DMD: variants seen among roughly 807,000 people sequenced by gnomAD.
DMD encodes the protein dystrophin.
Under a neutral mutation model 330.1 loss-of-function variants are expected in DMD, and 63 were observed. The observed-to-expected ratio is 0.19, with a 90% CI of 0.16 to 0.24. The LOEUF is 0.24. Ranked by LOEUF, DMD falls within the 10% of genes least tolerant of loss-of-function variation. DMD has a pLI of 1.00. For missense variants in DMD, 3,344 were observed against 2,684.1 expected, an observed-to-expected ratio of 1.25 and a Z score of -5.43; for synonymous variants, 1,223 against 959.8, an observed-to-expected ratio of 1.27 and a Z score of -5.07.
At chrX:32,193,735 G>A (rs879032157) in intron 44 of DMD, among the ~76,000 whole-genome samples, 1 of 111,735 alleles carries the variant, frequency 8.9e-6, no homozygotes, top group Non-Finnish European at 1.9e-5. Flanking sequence ...GTCTGTGATG[G>A]GGTCTTTAAC....
At chrX:32,632,709 T>C (rs2058818428) in intron 11 of DMD, among the ~76,000 whole-genome samples, 1 of 89,248 alleles carries the variant, frequency 1.1e-5, no homozygotes, top group Non-Finnish European at 2.1e-5. Flanking sequence ...CAGCTGGAGC[T>C]ACAGTGGCCA....
At chrX:31,584,557 C>G (rs1341815165) in intron 55 of DMD, among the ~76,000 whole-genome samples, 1 of 111,767 alleles carries the variant, frequency 8.9e-6, no homozygotes, top group Non-Finnish European at 1.9e-5. Context: ...GACATGGAAT[C>G]AACCCAAATG....
chrX:32,823,383 T>A lies in DMD; in HGVS notation c.269A>T (p.Asp90Val). 8.4e-7 allele frequency: 1 copy of A among 1,191,153 alleles called. No individual in the cohort carries two copies. The highest frequency in any genetic ancestry group is 1.1e-6 in the Non-Finnish European group (1 of 877,369). Residue 90 changes from aspartate to valine, a missense_variant, in exon 5 of 79, where the codon GAT becomes GTT. By Grantham distance (152) the Asp-to-Val change is radical. Coordinates refer to ENST00000357033, the MANE Select transcript of DMD (RefSeq NM_004006.3). Reference protein sequence around the residue: ...ALRVLQNNNVDLVNIGSTDIV... With the variant: ...ALRVLQNNNVVLVNIGSTDIV... Reference sequence around the variant, plus strand: ...GTCAGTACTTCCAATATTCACTAAATCAACCTGTTAAAGAAAGGGGTAAAA... The same window carrying A: ...GTCAGTACTTCCAATATTCACTAAAACAACCTGTTAAAGAAAGGGGTAAAA...
At chrX:33,086,812 T>C (rs1422011639) in intron 1 of DMD, among the ~76,000 whole-genome samples, 1 of 108,337 alleles carries the variant, frequency 9.2e-6, no homozygotes, top group Non-Finnish European at 1.9e-5. Flanking sequence ...ATGTATATAA[T>C]ATATATACAT....
Position 32,023,987 on chromosome X carries a change from T to C in DMD, c.6439-55473A>G, listed in dbSNP as rs112272709. Among the ~76,000 whole-genome samples, 911 of 111,472 alleles carry C rather than the reference T, an allele frequency of 8.2e-3. 9 individuals carry two copies. Among genetic ancestry groups the C allele is most frequent in the African/African-American group, 0.027 (839 of 30,648 alleles). ...AGGGTTGAAGAACTAGTGGTTACCATGCTCGCTACCTGGGTGGTGGGATCA... is the reference window on the plus strand; with the variant it reads ...AGGGTTGAAGAACTAGTGGTTACCACGCTCGCTACCTGGGTGGTGGGATCA... On this transcript the variant is annotated intron_variant, in intron 44 of 78. Coordinates refer to ENST00000357033, the MANE Select transcript of DMD (RefSeq NM_004006.3).
chrX:32,703,136 A>G (rs1428700606), intron 7 of DMD, among the ~76,000 whole-genome samples: 1 of 111,580 alleles, frequency 9.0e-6, no homozygotes, highest in East Asian at 2.8e-4. Context: ...CACCTGAGTT[A>G]CCACGCTTCT....
chrX:33,122,072 A>G (rs965911611), intron 1 of DMD, among the ~76,000 whole-genome samples: 23 of 111,402 alleles, frequency 2.1e-4, no homozygotes, highest in Non-Finnish European at 3.6e-4. Flanking sequence ...CTAAAAATAT[A>G]AAAATTAGTC....
intron 1 of DMD, among the ~76,000 whole-genome samples, chrX:33,178,377 T>G (rs909697143): frequency 1.8e-5 from 2 of 111,679 alleles, no homozygotes; most frequent in African/African-American, 6.5e-5. Flanking sequence ...ATGGCCCTGC[T>G]CTACCGGCAA....
chrX:32,524,832 A>T (rs2046796585), intron 17 of DMD, among the ~76,000 whole-genome samples: 1 of 112,686 alleles, frequency 8.9e-6, no homozygotes, highest in Non-Finnish European at 1.9e-5. Context: ...CTTCCCTTTT[A>T]TACAAAGATC....
chrX:33,304,322 T>A (rs1344818793), intron 1 of DMD, among the ~76,000 whole-genome samples: 5 of 111,040 alleles, frequency 4.5e-5, no homozygotes, highest in Admixed American at 9.6e-5. Context: ...GGGAAAGGAT[T>A]CCCTATTTAA....
chrX:32,434,580 T>A (rs908944767), intron 29 of DMD, among the ~76,000 whole-genome samples: 15 of 112,312 alleles, frequency 1.3e-4, no homozygotes, highest in African/African-American at 4.2e-4. Context: ...TCAGTTACTG[T>A]AATCATTTTG....
intron 76 of DMD, among the ~76,000 whole-genome samples, chrX:31,136,685 C>T (rs1359911556): frequency 8.9e-6 from 1 of 112,385 alleles, no homozygotes; most frequent in Non-Finnish European, 1.9e-5. Context: ...AATTCAGGTA[C>T]AGTTCAATGA....
At chrX:32,217,252 TA>T (rs1347038787) in intron 43 of DMD, among the ~76,000 whole-genome samples, 189 bp from the exon 44 acceptor site, 1 of 111,539 alleles carries the variant, frequency 9.0e-6, no homozygotes, top group Non-Finnish European at 1.9e-5. Flanking sequence ...CACAACATTT[TA>T]AAAAAATACT....
At chrX:32,311,305 C>A (rs1337686708) in intron 41 of DMD, among the ~76,000 whole-genome samples, 1 of 110,985 alleles carries the variant, frequency 9.0e-6, no homozygotes, top group Non-Finnish European at 1.9e-5. Flanking sequence ...TATTACTGCA[C>A]AGCCTTTTAT....
At chrX:32,523,176 G>T (rs1569565296) in intron 17 of DMD, among the ~76,000 whole-genome samples, 1 of 111,191 alleles carries the variant, frequency 9.0e-6, no homozygotes, top group Non-Finnish European at 1.9e-5. Context: ...ATACCCCAAA[G>T]TATGGCACTT....
intron 2 of DMD, among the ~76,000 whole-genome samples, chrX:32,961,112 T>C (rs1401135872): frequency 9.0e-6 from 1 of 111,298 alleles, no homozygotes; most frequent in South Asian, 3.8e-4. Context: ...TATTGAAAGA[T>C]AAGTTATGTC....
At chrX:31,629,492 G>T (rs2079027510) in intron 54 of DMD, among the ~76,000 whole-genome samples, 1 of 111,519 alleles carries the variant, frequency 9.0e-6, no homozygotes, top group Non-Finnish European at 1.9e-5. Flanking sequence ...ATTGCACTAA[G>T]CTATTTATCA....
At chrX:32,094,414 T>C (rs1338591016) in intron 44 of DMD, among the ~76,000 whole-genome samples, 1 of 112,445 alleles carries the variant, frequency 8.9e-6, no homozygotes, top group African/African-American at 3.2e-5. Flanking sequence ...ATTACTGATG[T>C]ATATATATTT....
At chrX:32,599,456 A>T (rs1426391489) in intron 12 of DMD, among the ~76,000 whole-genome samples, 1 of 111,797 alleles carries the variant, frequency 8.9e-6, no homozygotes, top group African/African-American at 3.2e-5. Context: ...AATATGCTAA[A>T]GTGTTGTAAG....
Sources: gnomAD v4.1 joint callset for allele counts (sites outside exome capture counted in the v4.1 genomes callset) on GRCh38, gnomAD v4.1.1 for gene constraint, MANE v1.5 for transcripts, NCBI Gene and HGNC (gene_info 2026-07-23, HGNC 2026-07-21) for gene names.